Variants in CPLANE1 observed in about 807,000 individuals in gnomAD.
CPLANE1 encodes ciliogenesis and planar polarity effector 1.
Under a neutral mutation model 362.5 loss-of-function variants are expected in CPLANE1, and 263 were observed. That is an observed-to-expected ratio of 0.73 (90% CI 0.66 to 0.80). The LOEUF (loss-of-function observed/expected upper bound fraction) is 0.80. Ranked by LOEUF, CPLANE1 falls within the 30% of genes least tolerant of loss-of-function variation. The probability of loss-of-function intolerance (pLI) is 0.00; values close to 1 mark genes in which losing one functional copy is unlikely to be tolerated. For missense variants in CPLANE1, 3,461 were observed against 3,793.4 expected, an observed-to-expected ratio of 0.91 and a Z score of 2.30; for synonymous variants, 1,212 against 1,302.6, an observed-to-expected ratio of 0.93 and a Z score of 1.50.
chr5:37,181,704 G>T (rs1239685678), intron 26 of CPLANE1, among the ~76,000 whole-genome samples: 1 of 151,472 alleles, frequency 6.6e-6, no homozygotes, highest in Non-Finnish European at 1.5e-5. Context: ...GGTCCCAGCT[G>T]CTTGGAAGAT....
chr5:37,226,391 T>C lies in CPLANE1; in HGVS notation c.2204A>G (p.Asp735Gly), dbSNP rs2150432063. The C allele has an allele frequency of 2.6e-6, 4 of 1,549,982 alleles. No individual in the cohort carries two copies. Among genetic ancestry groups the C allele is most frequent in the East Asian group, 2.4e-5 (1 of 40,848 alleles). Residue 735 changes from aspartate to glycine, a missense_variant, in exon 12 of 53, where the codon GAT becomes GGT. Physicochemically the swap from Asp to Gly is moderately conservative, Grantham distance 94. Transcript: ENST00000651892. ...LVVPIFQMFQ[D>G]SGFQKNWSWN... ...AGACCAGTTTTTCTGAAAACCACTA[T>C]CTTGAAACATCTGAAAAATAGGTAC... is the stretch of plus-strand genomic sequence containing the variant.
Position 37,226,716 on chromosome 5 carries a change from A to G in CPLANE1, c.1879T>C (p.Ser627Pro), listed in dbSNP as rs1317816571. The G allele has an allele frequency of 1.3e-6, 2 of 1,546,644 alleles. No homozygotes were observed. Among genetic ancestry groups the G allele is most frequent in the East Asian group, 2.4e-5 (1 of 40,832 alleles). The stretch of plus-strand genomic sequence containing the variant: ...CAAAGTATCCATGCATTATGTCTTG[A>G]GCTTTTGCTTAAAACAAGATCAAGT... ...PKLDLVLSKS[S>P]RHNAWILCIF... The change falls in exon 12 of 53, where the codon TCA (serine) becomes CCA (proline). Residue 627 changes from serine (S) to proline (P), a missense_variant. Physicochemically the swap from Ser to Pro is moderately conservative, Grantham distance 74. Transcript: ENST00000651892.
intron 42 of CPLANE1, among the ~76,000 whole-genome samples, chr5:37,148,488 T>C (rs1438571622): frequency 1.2e-4 from 18 of 152,194 alleles, no homozygotes; most frequent in Admixed American, 1.0e-3. Context: ...CTCAGGAAAA[T>C]TGTATCATAA....
In CPLANE1 at chr5:37,139,615, G is replaced by A. The variant is rs186496494; in HGVS notation, c.8633-245C>T. 9 of 663,692 alleles carry A rather than the reference G, an allele frequency of 1.4e-5. No individual in the cohort carries two copies. In the East Asian group the frequency reaches 6.2e-4, roughly 45 times the overall value. 41.1% of individuals were successfully genotyped at this position (663,692 alleles called of 1,614,324 possible). On this transcript the variant is annotated intron_variant, in intron 44 of 52. Coordinates refer to ENST00000651892, the MANE Select transcript of CPLANE1 (RefSeq NM_001384732.1). ...TCACCCAGGCTAAGTGCAGCGACAT[G>A]GTCATGGCATACTACAACCTCTGCC...
chr5:37,154,097 A>G, intron 41 of CPLANE1, 104 bp from the exon 42 acceptor site: 1 of 963,076 alleles, frequency 1.0e-6, no homozygotes. Context: ...ACACAACACT[A>G]CTTTCCAAAT....
chr5:37,133,673 G>A (rs563927174), intron 46 of CPLANE1, among the ~76,000 whole-genome samples: 1 of 152,196 alleles, frequency 6.6e-6, no homozygotes, highest in South Asian at 2.1e-4. Context: ...GGTGGCTTTT[G>A]GAGGAGTCTT....
chr5:37,165,141 C>T (rs900258501), intron 36 of CPLANE1, among the ~76,000 whole-genome samples: 5 of 151,888 alleles, frequency 3.3e-5, no homozygotes, highest in African/African-American at 1.2e-4. Context: ...TAAAAAAAGA[C>T]GTGACTTAAA....
chr5:37,153,799 C>T lies in CPLANE1; in HGVS notation c.8314G>A (p.Ala2772Thr), dbSNP rs761984446. 36 of 1,614,022 alleles carry T rather than the reference C, an allele frequency of 2.2e-5. No homozygotes were observed. In the Middle Eastern group the frequency reaches 5.0e-4, roughly 22 times the overall value. Residue 2772 changes from alanine to threonine, a missense_variant, in exon 42 of 53, where the codon GCT becomes ACT. Ala to Thr is a moderately conservative substitution (Grantham distance 58). Coordinates refer to ENST00000651892, the MANE Select transcript of CPLANE1 (RefSeq NM_001384732.1). ...GGGAAATCCTGTTCTATGTTTTCAG[C>T]AATGTTCTGTATTGCTAGCAACTGC... Reference protein sequence around the residue: ...DEQLLAIQNIAENIEQDFPKP... With the variant: ...DEQLLAIQNITENIEQDFPKP...
the CPLANE1 span, among the ~76,000 whole-genome samples, chr5:37,079,528 G>GTTGA: frequency 4.5e-3 from 680 of 152,314 alleles, 3 homozygotes; most frequent in African/African-American, 0.016. Flanking sequence ...TACCACAGAA[G>GTTGA]TTGATTGCAG....
chr5:37,234,481 G>A, intron 8 of CPLANE1, among the ~76,000 whole-genome samples: 2 of 134,506 alleles, frequency 1.5e-5, no homozygotes, highest in African/African-American at 2.8e-5. Context: ...GCAAAAGAAA[G>A]AATCTCAGTC....
At chr5:37,231,162 G>T in intron 8 of CPLANE1, 113 bp from the exon 9 acceptor site, 2 of 590,346 alleles carry the variant, frequency 3.4e-6, no homozygotes, top group Non-Finnish European at 5.2e-6. Flanking sequence ...GAGGGCAAAA[G>T]AATGACTAAT....
At chr5:37,175,221 T>C (rs989506022) in intron 31 of CPLANE1, among the ~76,000 whole-genome samples, 2 of 152,034 alleles carry the variant, frequency 1.3e-5, no homozygotes, top group Admixed American at 6.6e-5. Flanking sequence ...CTTGGGACAG[T>C]AGGGGCAGGT....
At chr5:37,244,057 T>C (rs1444020053) in intron 5 of CPLANE1, among the ~76,000 whole-genome samples, 3 of 151,614 alleles carry the variant, frequency 2.0e-5, no homozygotes, top group Non-Finnish European at 2.9e-5. Context: ...TCCATGTTGG[T>C]CAGGCTGGTC....
the CPLANE1 span, among the ~76,000 whole-genome samples, chr5:37,091,763 C>G: frequency 2.0e-5 from 3 of 152,240 alleles, no homozygotes; most frequent in East Asian, 5.8e-4. Context: ...GTCCATACCC[C>G]CTCAGGTCCT....
intron 8 of CPLANE1, among the ~76,000 whole-genome samples, chr5:37,237,650 T>C (rs1396388754): frequency 6.6e-6 from 1 of 151,708 alleles, no homozygotes. Flanking sequence ...ATTGAGACCA[T>C]CCTGGCTAAC....
At position 37,146,534 on chromosome 5, in the gene CPLANE1, A is replaced by G. The variant is rs576142068; in HGVS notation, c.8461+1647T>C. Among the ~76,000 whole-genome samples the G allele has an allele frequency of 9.8e-5, 15 of 152,288 alleles. No homozygotes were observed. In the South Asian group the frequency reaches 3.1e-3, roughly 32 times the overall value. ...CAACATTTGAACTCTGATTAGATAT[A>G]TAAGTATATTAAGAATTTTTTAAAG... On this transcript the variant is annotated intron_variant, in intron 43 of 52. Coordinates refer to ENST00000651892, the MANE Select transcript of CPLANE1 (RefSeq NM_001384732.1).
intron 44 of CPLANE1, chr5:37,141,535 C>T: frequency 2.0e-6 from 2 of 980,906 alleles, no homozygotes; most frequent in Non-Finnish European, 2.4e-6. Context: ...AAGTCAGCTT[C>T]TTAATAGGTT....
the CPLANE1 span, chr5:37,085,840 G>A: frequency 5.4e-6 from 7 of 1,289,782 alleles, no homozygotes; most frequent in Non-Finnish European, 7.9e-6. Flanking sequence ...GGGCCAAACA[G>A]AGCAGTGGGT....
chr5:37,247,672 T>A lies in CPLANE1; in HGVS notation c.27A>T (p.Thr9=). 6.4e-7 allele frequency: 1 copy of A among 1,551,012 alleles called. No homozygotes were observed. Residue 9 remains threonine, a synonymous_variant, in exon 2 of 53, where the codon ACA becomes ACT. Coordinates refer to ENST00000651892, the MANE Select transcript of CPLANE1 (RefSeq NM_001384732.1). MEIRLEIL[T]STGIKQKKPW... is the part of the protein sequence containing the mutation. ...GTTTTTTCTGCTTAATACCTGTTGA[T>A]GTCAAGATTTCTAATCTTATCTCCA...
Sources: gnomAD v4.1 joint callset for allele counts (sites outside exome capture counted in the v4.1 genomes callset) on GRCh38, gnomAD v4.1.1 for gene constraint, MANE v1.5 for transcripts, NCBI Gene and HGNC (gene_info 2026-07-23, HGNC 2026-07-21) for gene names.